Variants in ABL2 observed in about 807,000 individuals in gnomAD.
ABL2 encodes the protein tyrosine-protein kinase ABL2.
In ABL2, 49 loss-of-function variants were observed where a neutral mutation model predicts 107.7. The ratio of observed to expected loss-of-function variants is 0.45; its 90% CI spans 0.36 to 0.58. The LOEUF (loss-of-function observed/expected upper bound fraction) is 0.58, where lower values mean the gene tolerates loss of function less well. ABL2 is among the 20% of genes least tolerant of loss of function. The pLI is 0.00. For missense variants in ABL2, 1,245 were observed against 1,457.0 expected (o/e 0.85, Z 2.37); for synonymous variants, 549 against 548.6 (o/e 1.00, Z -0.01).
intron 1 of ABL2, among the ~76,000 whole-genome samples, chr1:179,215,162 A>C (rs924399163): frequency 2.0e-5 from 3 of 147,808 alleles, no homozygotes; most frequent in African/African-American, 7.5e-5. Flanking sequence ...TCAGTCTCCA[A>C]AAAAAAAAAA....
intron 3 of ABL2, among the ~76,000 whole-genome samples, chr1:179,128,730 C>T (rs779511033): frequency 3.3e-5 from 5 of 152,322 alleles, no homozygotes; most frequent in East Asian, 1.9e-4. Flanking sequence ...TGTCGCCACG[C>T]GGCAGTGCAG....
At chr1:179,157,186 T>C (rs550565813) in intron 1 of ABL2, among the ~76,000 whole-genome samples, 2 of 152,180 alleles carry the variant, frequency 1.3e-5, no homozygotes, top group East Asian at 1.9e-4. Context: ...CTGGAGCATT[T>C]AGGATTTTGG....
intron 1 of ABL2, among the ~76,000 whole-genome samples, chr1:179,193,407 G>C (rs2102825521): frequency 6.7e-6 from 1 of 149,148 alleles, no homozygotes; most frequent in African/African-American, 2.5e-5. Flanking sequence ...TTTTTTGTTT[G>C]TTTGTTTCTT....
chr1:179,145,895 ATTT>A (rs11379606), intron 1 of ABL2, among the ~76,000 whole-genome samples: 3 of 142,282 alleles, frequency 2.1e-5, no homozygotes, highest in Admixed American at 7.0e-5. Flanking sequence ...TCTGATCTCC[ATTT>A]TTTTTTTTTT....
intron 8 of ABL2, among the ~76,000 whole-genome samples, chr1:179,116,024 C>T (rs1557916521): frequency 6.6e-6 from 1 of 151,554 alleles, no homozygotes; most frequent in Non-Finnish European, 1.5e-5. Context: ...CCTCATCACA[C>T]TTCCCTCGAA....
chr1:179,143,135 T>G, intron 1 of ABL2: 1 of 1,507,778 alleles, frequency 6.6e-7, no homozygotes, highest in Non-Finnish European at 8.9e-7. Flanking sequence ...CACATGCATG[T>G]GACATTTACT....
chr1:179,197,856 C>T (rs947947200), intron 1 of ABL2, among the ~76,000 whole-genome samples: 25 of 125,224 alleles, frequency 2.0e-4, no homozygotes, highest in African/African-American at 7.2e-4. Flanking sequence ...GTGACAAGAA[C>T]GAAACTGTCT....
In ABL2 at chr1:179,131,722, C is replaced by T. The variant is rs28914518; in HGVS notation, c.221-241G>A. 1.1e-3 allele frequency among the ~76,000 whole-genome samples: 165 copies of T among 152,204 alleles called. 1 individual carries two copies. The highest frequency in any genetic ancestry group is 6.8e-3 in the Middle Eastern group (2 of 294). On this transcript the variant is annotated intron_variant, in intron 2 of 11. Transcript: ENST00000502732. ...AAAAGACCACAAAATGAGAGTTTAG[C>T]CGTGATTTATATGCACTCACCAAAA...
chr1:179,189,412 G>A (rs1440856139), intron 1 of ABL2, among the ~76,000 whole-genome samples: 2 of 152,158 alleles, frequency 1.3e-5, no homozygotes, highest in Non-Finnish European at 2.9e-5. Flanking sequence ...GGGATTACAG[G>A]CATGAGCCAC....
At chr1:179,215,532 G>A (rs1355360834) in intron 1 of ABL2, among the ~76,000 whole-genome samples, 2 of 152,024 alleles carry the variant, frequency 1.3e-5, no homozygotes, top group East Asian at 1.9e-4. Context: ...CCTGGAGTTC[G>A]AAACCAGCCT....
At chr1:179,174,283 G>A (rs1176217735) in intron 1 of ABL2, among the ~76,000 whole-genome samples, 1 of 148,636 alleles carries the variant, frequency 6.7e-6, no homozygotes, top group Non-Finnish European at 1.5e-5. Flanking sequence ...GCAAGACTCT[G>A]TCTCCAATAA....
chr1:179,214,944 G>C (rs1445008040), intron 1 of ABL2, among the ~76,000 whole-genome samples: 1 of 152,158 alleles, frequency 6.6e-6, no homozygotes, highest in Non-Finnish European at 1.5e-5. Flanking sequence ...CAGATTGCCT[G>C]AGGTCAGGAG....
intron 1 of ABL2, among the ~76,000 whole-genome samples, chr1:179,222,615 T>C (rs905698179): frequency 2.6e-5 from 4 of 151,964 alleles, no homozygotes; most frequent in African/African-American, 9.7e-5. Flanking sequence ...GGTCTCGATC[T>C]CCTGATCTCG....
chr1:179,159,531 C>T (rs1013082564), intron 1 of ABL2, among the ~76,000 whole-genome samples: 1 of 152,152 alleles, frequency 6.6e-6, no homozygotes, highest in Admixed American at 6.5e-5. Flanking sequence ...TAAGAAAGAG[C>T]TAGAAAATAT....
At chr1:179,110,159 A>G in intron 11 of ABL2, 123 bp downstream of exon 11, 1 of 1,219,994 alleles carries the variant, frequency 8.2e-7, no homozygotes, top group Admixed American at 2.1e-5. Context: ...ATGGGTGGGT[A>G]AAAGAGACGC....
At chr1:179,122,176 A>C (rs1655276968) in intron 4 of ABL2, among the ~76,000 whole-genome samples, 1 of 150,938 alleles carries the variant, frequency 6.6e-6, no homozygotes, top group Non-Finnish European at 1.5e-5. Flanking sequence ...AGCCTCCCAA[A>C]GTGCTGGGAT....
intron 3 of ABL2, among the ~76,000 whole-genome samples, chr1:179,128,707 A>G (rs941177498): frequency 5.9e-5 from 9 of 152,188 alleles, no homozygotes; most frequent in Non-Finnish European, 2.9e-5. Context: ...TTGTTTTGAA[A>G]CAGGTCTCCC....
At position 179,126,169 on chromosome 1, in the gene ABL2, TTAATA is replaced by T. The variant is rs1284528666; in HGVS notation, c.687+203_687+207del. ...TCAAATCTAGCTTATCTTTAAAATATTAATATAATACTGTTTTTAAAAATTTCTAT... is the reference window on the plus strand; with the variant it reads ...TCAAATCTAGCTTATCTTTAAAATATTAATACTGTTTTTAAAAATTTCTAT... On this transcript the variant is annotated intron_variant, in intron 4 of 11. Coordinates refer to ENST00000502732, the MANE Select transcript of ABL2 (RefSeq NM_007314.4). The surrounding 1 kb of genome is among the most constrained non-coding windows in gnomAD (Gnocchi z 4.4). Among the ~76,000 whole-genome samples, 2 of 152,224 alleles carry T rather than the reference TTAATA, an allele frequency of 1.3e-5. No homozygotes were observed. Among genetic ancestry groups the T allele is most frequent in the African/African-American group, 2.4e-5 (1 of 41,448 alleles).
chr1:179,216,805 T>A (rs1037574078), intron 1 of ABL2, among the ~76,000 whole-genome samples: 4 of 151,694 alleles, frequency 2.6e-5, no homozygotes, highest in Admixed American at 6.6e-5. Context: ...TGCCTCAGCC[T>A]CCCGAGTAGC....
Sources: gnomAD v4.1 joint callset for allele counts (sites outside exome capture counted in the v4.1 genomes callset) on GRCh38, gnomAD v4.1.1 for gene constraint, Gnocchi (gnomAD v3.1) non-coding constraint, MANE v1.5 for transcripts, NCBI Gene and HGNC (gene_info 2026-07-23, HGNC 2026-07-21) for gene names.